Variants in IMPG1 observed in about 807,000 individuals in gnomAD.
IMPG1 encodes interphotoreceptor matrix proteoglycan 1.
Under a neutral mutation model 92.0 loss-of-function variants are expected in IMPG1, and 85 were observed. The ratio of observed to expected loss-of-function variants is 0.92; its 90% CI spans 0.78 to 1.11. The LOEUF is 1.11. Ranked by LOEUF, IMPG1 falls within the 50% of genes least tolerant of loss-of-function variation. The pLI is 0.00. For synonymous variants in IMPG1, 367 were observed against 334.1 expected (o/e 1.10, Z -1.08); for missense variants, 1,022 against 956.0 (o/e 1.07, Z -0.91).
At position 75,958,716 on chromosome 6, in the gene IMPG1, G is replaced by A. The variant is rs144196215; in HGVS notation, c.1292-7622C>T. On this transcript the variant is annotated intron_variant, in intron 12 of 16. Transcript: ENST00000369950. ...ACGAAGTTCTCGTGCTGTTTTTTCCGGCTCCATCAGGTCATTTATGTTCTT... is the reference window on the plus strand; with the variant it reads ...ACGAAGTTCTCGTGCTGTTTTTTCCAGCTCCATCAGGTCATTTATGTTCTT... Among the ~76,000 whole-genome samples, 979 of 151,714 alleles carry A rather than the reference G, an allele frequency of 6.5e-3. 16 individuals are homozygous for A. The highest frequency in any genetic ancestry group is 0.054 in the East Asian group (279 of 5,150).
chr6:76,010,806 T>C (rs149891749), intron 8 of IMPG1, among the ~76,000 whole-genome samples: 1 of 152,332 alleles, frequency 6.6e-6, no homozygotes, highest in East Asian at 1.9e-4. Context: ...ATCAGACACC[T>C]GGTTAAAAAG....
chr6:76,034,308 T>C lies in IMPG1; in HGVS notation c.497+7A>G, dbSNP rs1783698393. The stretch of plus-strand genomic sequence containing the variant: ...ACACACACACACACTCTATTTTGGG[T>C]ACTTGCCTGTCAGGGAAACTTCTCT... On this transcript the variant is annotated splice_region_variant and intron_variant, in intron 4 of 16. Transcript: ENST00000369950. The C allele has an allele frequency of 6.2e-7, 1 of 1,612,338 alleles. No individual in the cohort carries two copies. The highest frequency in any genetic ancestry group is 1.3e-5 in the African/African-American group (1 of 74,884).
At chr6:76,057,521 C>T (rs374588867) in intron 1 of IMPG1, among the ~76,000 whole-genome samples, 9 of 152,170 alleles carry the variant, frequency 5.9e-5, no homozygotes, top group East Asian at 5.8e-4. Flanking sequence ...ATAAGCACCC[C>T]GGCTAGACAG....
Position 75,939,354 on chromosome 6 carries a change from C to T in IMPG1, c.2044+7960G>A, listed in dbSNP as rs556418557. ...CCTAATGCTATCCCTCCCTGCTCCC[C>T]CCCACCCCACAACAGGCCCCGGTGT... On this transcript the variant is annotated intron_variant, in intron 14 of 16. Coordinates refer to ENST00000369950, the MANE Select transcript of IMPG1 (RefSeq NM_001563.4). Among the ~76,000 whole-genome samples the T allele has an allele frequency of 7.2e-5, 11 of 152,208 alleles. No homozygotes were observed. The South Asian group carries it at 2.1e-3, about 29-fold the overall frequency.
intron 12 of IMPG1, among the ~76,000 whole-genome samples, chr6:75,981,523 G>A (rs1269008212): frequency 6.6e-6 from 1 of 152,210 alleles, no homozygotes; most frequent in Non-Finnish European, 1.5e-5. Flanking sequence ...ATTTCCAGGT[G>A]TTGTCAGTCT....
chr6:75,986,473 T>C (rs1782720357), intron 12 of IMPG1, among the ~76,000 whole-genome samples: 1 of 152,180 alleles, frequency 6.6e-6, no homozygotes, highest in Non-Finnish European at 1.5e-5. Context: ...TTTGAATTGA[T>C]GGAGGACACT....
At chr6:75,940,969 C>T (rs1781829621) in intron 14 of IMPG1, among the ~76,000 whole-genome samples, 1 of 152,198 alleles carries the variant, frequency 6.6e-6, no homozygotes, top group Non-Finnish European at 1.5e-5. Context: ...ATCCCTTCAC[C>T]TCTGTAGAAT....
At chr6:75,976,371 G>T (rs1782532895) in intron 12 of IMPG1, among the ~76,000 whole-genome samples, 1 of 152,094 alleles carries the variant, frequency 6.6e-6, no homozygotes, top group African/African-American at 2.4e-5. Context: ...AGACCAGCCT[G>T]AGCAAAATGG....
intron 14 of IMPG1, among the ~76,000 whole-genome samples, chr6:75,944,754 T>C (rs1781897546): frequency 6.6e-6 from 1 of 152,232 alleles, no homozygotes. Flanking sequence ...TGTGTAGTCA[T>C]TCAACATTCA....
At chr6:75,972,784 A>AAACATTTATTGAACATCTT (rs1562353621) in intron 12 of IMPG1, among the ~76,000 whole-genome samples, 10 of 152,150 alleles carry the variant, frequency 6.6e-5, no homozygotes, top group Non-Finnish European at 1.3e-4. Context: ...TTGAACATCT[A>AAACATTTATTGAACATCTT]CTATGTACCA....
At chr6:75,944,159 C>T (rs1781881954) in intron 14 of IMPG1, among the ~76,000 whole-genome samples, 1 of 152,154 alleles carries the variant, frequency 6.6e-6, no homozygotes, top group South Asian at 2.1e-4. Flanking sequence ...ATATCTAAAC[C>T]AGAATCCCCA....
At chr6:76,071,038 G>A (rs1263892281) in intron 1 of IMPG1, among the ~76,000 whole-genome samples, 1 of 151,120 alleles carries the variant, frequency 6.6e-6, no homozygotes. Flanking sequence ...CTAGAAGTAA[G>A]CATATAACAA....
chr6:76,058,940 A>C (rs1337851823), intron 1 of IMPG1, among the ~76,000 whole-genome samples: 1 of 152,202 alleles, frequency 6.6e-6, no homozygotes, highest in Admixed American at 6.6e-5. Flanking sequence ...TGTACCATCA[A>C]GAAGACTGTT....
intron 12 of IMPG1, among the ~76,000 whole-genome samples, chr6:75,998,968 TG>T (rs1243230412): frequency 2.0e-5 from 3 of 152,168 alleles, no homozygotes; most frequent in African/African-American, 7.2e-5. Flanking sequence ...GCAATTCTCT[TG>T]CCTCAGCCTC....
intron 15 of IMPG1, among the ~76,000 whole-genome samples, chr6:75,927,040 T>A (rs769779835): frequency 1.3e-5 from 2 of 152,200 alleles, no homozygotes; most frequent in Non-Finnish European, 2.9e-5. Flanking sequence ...TAGAGAACGC[T>A]GTTTTCAAAG....
rs551091676 is a variant in IMPG1, at chr6:76,069,557, G to A, written c.67+2865C>T. On this transcript the variant is annotated intron_variant, in intron 1 of 16. Transcript: ENST00000369950. ...TACTAAATAACTTCCTCAAGAAGTG[G>A]TCAAAGAAGACTTCTCAAATAACTA... Among the ~76,000 whole-genome samples the A allele has an allele frequency of 3.3e-5, 5 of 152,160 alleles. No individual in the cohort carries two copies. In the South Asian group the frequency reaches 1.0e-3, roughly 32 times the overall value.
chr6:75,963,789 A>T (rs189224236), intron 12 of IMPG1, among the ~76,000 whole-genome samples: 1 of 152,284 alleles, frequency 6.6e-6, no homozygotes. Flanking sequence ...TACTCCAGGG[A>T]GCAGAATGGA....
intron 12 of IMPG1, among the ~76,000 whole-genome samples, chr6:75,994,985 C>T (rs921446702): frequency 3.3e-5 from 5 of 152,154 alleles, no homozygotes; most frequent in Admixed American, 6.5e-5. Flanking sequence ...CTGAGAGGCA[C>T]GGCTAAAACC....
chr6:75,938,500 A>G (rs148845586), intron 14 of IMPG1, among the ~76,000 whole-genome samples: 4 of 152,318 alleles, frequency 2.6e-5, no homozygotes, highest in African/African-American at 9.6e-5. Context: ...AATACAATAA[A>G]ATTGGGGCAC....
Sources: gnomAD v4.1 joint callset for allele counts (sites outside exome capture counted in the v4.1 genomes callset) on GRCh38, gnomAD v4.1.1 for gene constraint, MANE v1.5 for transcripts, NCBI Gene and HGNC (gene_info 2026-07-23, HGNC 2026-07-21) for gene names.